ATP8A1: variants seen among roughly 807,000 people sequenced by gnomAD.
ATP8A1 encodes ATPase phospholipid transporting 8A1.
ATP8A1 carries 90 observed loss-of-function variants against 177.7 expected under a neutral mutation model. The observed-to-expected ratio is 0.51, with a 90% CI of 0.43 to 0.60. ATP8A1 has a LOEUF of 0.60. ATP8A1 is among the 20% of genes least tolerant of loss of function. The probability of loss-of-function intolerance (pLI) is 0.00; values close to 1 mark genes in which losing one functional copy is unlikely to be tolerated. For missense variants in ATP8A1, 1,072 were observed against 1,392.8 expected (o/e 0.77, Z 3.67); for synonymous variants, 493 against 485.9 (o/e 1.01, Z -0.19).
intron 20 of ATP8A1, among the ~76,000 whole-genome samples, chr4:42,533,467 G>A (rs1041312314): frequency 6.6e-6 from 1 of 152,014 alleles, no homozygotes; most frequent in Non-Finnish European, 1.5e-5. Context: ...CCTGGGAACC[G>A]CACCCCCATC....
At chr4:42,467,178 C>T (rs937052531) in intron 25 of ATP8A1, among the ~76,000 whole-genome samples, 1 of 152,098 alleles carries the variant, frequency 6.6e-6, no homozygotes, top group East Asian at 1.9e-4. Context: ...CACAACCAAC[C>T]ACTGCTTTCT....
chr4:42,610,165 T>G (rs1736226908), intron 5 of ATP8A1, among the ~76,000 whole-genome samples: 1 of 152,034 alleles, frequency 6.6e-6, no homozygotes, highest in Admixed American at 6.6e-5. Flanking sequence ...CTTAATTTTT[T>G]TTTTTTTTTT....
intron 27 of ATP8A1, among the ~76,000 whole-genome samples, chr4:42,459,948 C>T (rs555344281): frequency 5.3e-5 from 8 of 151,992 alleles, no homozygotes; most frequent in East Asian, 1.9e-4. Context: ...CCTGCCACCA[C>T]GCCTGGCTAA....
intron 33 of ATP8A1, among the ~76,000 whole-genome samples, chr4:42,438,827 T>C (rs1417354020): frequency 6.6e-6 from 1 of 152,120 alleles, no homozygotes; most frequent in Non-Finnish European, 1.5e-5. Flanking sequence ...ATTCTCTGGG[T>C]CACTGGCTAT....
At chr4:42,609,369 C>T (rs1022175560) in intron 5 of ATP8A1, among the ~76,000 whole-genome samples, 4 of 152,154 alleles carry the variant, frequency 2.6e-5, no homozygotes, top group Non-Finnish European at 4.4e-5. Context: ...ACGATGTGAT[C>T]GGAGCACAAA....
chr4:42,625,767 A>G (rs963270628), intron 2 of ATP8A1, 54 bp from the exon 3 acceptor site: 33 of 1,088,876 alleles, frequency 3.0e-5, no homozygotes, highest in Admixed American at 6.5e-5. Flanking sequence ...TAGCACCCAC[A>G]CTTACAAAGT....
At chr4:42,642,602 CAT>C (rs1305963717) in intron 1 of ATP8A1, among the ~76,000 whole-genome samples, 3 of 152,286 alleles carry the variant, frequency 2.0e-5, no homozygotes, top group Middle Eastern at 3.4e-3. Flanking sequence ...GACACCTACA[CAT>C]GTGTGAGATT....
At chr4:42,540,329 T>C (rs977407132) in intron 20 of ATP8A1, among the ~76,000 whole-genome samples, 1 of 152,060 alleles carries the variant, frequency 6.6e-6, no homozygotes, top group African/African-American at 2.4e-5. Flanking sequence ...ATACTGTTGG[T>C]GGGAATGTAA....
chr4:42,606,551 C>T (rs930921826), intron 5 of ATP8A1, among the ~76,000 whole-genome samples: 4 of 152,170 alleles, frequency 2.6e-5, no homozygotes, highest in African/African-American at 9.7e-5. Flanking sequence ...AAACCTTAAA[C>T]AGCACATTAT....
intron 1 of ATP8A1, among the ~76,000 whole-genome samples, chr4:42,651,975 G>C (rs542730489): frequency 6.6e-6 from 1 of 152,328 alleles, no homozygotes; most frequent in South Asian, 2.1e-4. Flanking sequence ...TAAATAAAGA[G>C]ACCTAAAATT....
intron 5 of ATP8A1, among the ~76,000 whole-genome samples, chr4:42,614,733 T>C (rs1736729378): frequency 6.6e-6 from 1 of 152,218 alleles, no homozygotes; most frequent in African/African-American, 2.4e-5. Flanking sequence ...TGTTTCCCTC[T>C]GATGTGAATC....
At chr4:42,545,591 C>A (rs1386722955) in intron 19 of ATP8A1, among the ~76,000 whole-genome samples, 4 of 152,208 alleles carry the variant, frequency 2.6e-5, no homozygotes, top group African/African-American at 4.8e-5. Flanking sequence ...AGGGCTACAG[C>A]ACACCTTCTC....
intron 10 of ATP8A1, among the ~76,000 whole-genome samples, chr4:42,580,561 G>A (rs1732928762): frequency 6.6e-6 from 1 of 152,140 alleles, no homozygotes; most frequent in Non-Finnish European, 1.5e-5. Flanking sequence ...GTAGACCTGT[G>A]CTAACCAAAA....
At chr4:42,475,802 C>G (rs1007748042) in intron 25 of ATP8A1, among the ~76,000 whole-genome samples, 1 of 152,058 alleles carries the variant, frequency 6.6e-6, no homozygotes. Context: ...CTTTGGGAGG[C>G]CGAGGTGGGT....
intron 9 of ATP8A1, among the ~76,000 whole-genome samples, chr4:42,585,361 A>G (rs535188781): frequency 6.6e-6 from 1 of 151,784 alleles, no homozygotes; most frequent in South Asian, 2.1e-4. Context: ...GCAAGAAAGT[A>G]AGCTCACAAG....
At chr4:42,598,641 T>C (rs546017063) in intron 6 of ATP8A1, among the ~76,000 whole-genome samples, 2 of 152,338 alleles carry the variant, frequency 1.3e-5, no homozygotes, top group South Asian at 4.1e-4. Flanking sequence ...GACATACTTG[T>C]AAATTTGTAT....
chr4:42,506,386 C>CTA (rs898379222), intron 23 of ATP8A1, among the ~76,000 whole-genome samples: 6 of 152,324 alleles, frequency 3.9e-5, no homozygotes, highest in African/African-American at 1.4e-4. Flanking sequence ...GACACCAAAT[C>CTA]TGCTGGTGCC....
chr4:42,603,070 A>T (rs1735461665), intron 5 of ATP8A1, among the ~76,000 whole-genome samples: 1 of 152,126 alleles, frequency 6.6e-6, no homozygotes, highest in South Asian at 2.1e-4. Context: ...TTTTTAAAAA[A>T]AAACTATAAG....
chr4:42,435,469 T>TAAAAAAA (rs1715877759), intron 33 of ATP8A1, among the ~76,000 whole-genome samples: 1 of 121,954 alleles, frequency 8.2e-6, no homozygotes, highest in African/African-American at 3.2e-5. Context: ...AAAAACAAAC[T>TAAAAAAA]ATCTCCAGTT....
Sources: gnomAD v4.1 joint callset for allele counts (sites outside exome capture counted in the v4.1 genomes callset) on GRCh38, gnomAD v4.1.1 for gene constraint, MANE v1.5 for transcripts, NCBI Gene and HGNC (gene_info 2026-07-23, HGNC 2026-07-21) for gene names.